The following AP1S3 variants were observed in gnomAD, a reference collection of about 807,000 sequenced individuals.
AP1S3 encodes the protein adaptor related protein complex 1 subunit sigma 3.
In AP1S3, 10 loss-of-function variants were observed where a neutral mutation model predicts 20.9. That is an observed-to-expected ratio of 0.48 (90% CI 0.29 to 0.81). AP1S3 has a LOEUF of 0.81. AP1S3 is among the 30% of genes least tolerant of loss of function. The pLI is 0.08. For missense variants in AP1S3, 154 were observed against 183.8 expected, an observed-to-expected ratio of 0.84 and a Z score of 0.94; for synonymous variants, 41 against 61.5, an observed-to-expected ratio of 0.67 and a Z score of 1.56.
intron 3 of AP1S3, among the ~76,000 whole-genome samples, chr2:223,772,079 C>G (rs1266836316): frequency 1.3e-5 from 2 of 152,170 alleles, no homozygotes; most frequent in East Asian, 3.9e-4. Flanking sequence ...TGCATTCCAG[C>G]CTGGGCAACA....
chr2:223,800,047 T>C (rs1408207225), intron 1 of AP1S3, among the ~76,000 whole-genome samples: 1 of 150,552 alleles, frequency 6.6e-6, no homozygotes, highest in Non-Finnish European at 1.5e-5. Flanking sequence ...AAACCCCATC[T>C]CTACTATAAA....
intron 1 of AP1S3, among the ~76,000 whole-genome samples, chr2:223,780,347 A>AGG: frequency 1.1e-5 from 1 of 89,354 alleles, no homozygotes. Flanking sequence ...AGAGAGAGAG[A>AGG]GAGAGAGAGA....
chr2:223,820,909 C>A (rs1271935789), intron 1 of AP1S3, among the ~76,000 whole-genome samples: 2 of 152,130 alleles, frequency 1.3e-5, no homozygotes, highest in Non-Finnish European at 2.9e-5. Flanking sequence ...ACTGCCCCAG[C>A]TCCTCCTTCC....
intron 1 of AP1S3, among the ~76,000 whole-genome samples, chr2:223,836,906 C>T (rs4674826): frequency 0.15 from 22,356 of 152,068 alleles, 2,172 homozygotes; most frequent in East Asian, 0.41. Context: ...CCGCTTTGCT[C>T]TCTCTAATCC....
At chr2:223,779,977 C>CA (rs1334268249) in intron 1 of AP1S3, among the ~76,000 whole-genome samples, 2 of 151,568 alleles carry the variant, frequency 1.3e-5, no homozygotes, top group Non-Finnish European at 2.9e-5. Flanking sequence ...CAAAAAAAAA[C>CA]AAAAAGATTC....
At chr2:223,785,632 G>A (rs939721374) in intron 1 of AP1S3, among the ~76,000 whole-genome samples, 1 of 152,150 alleles carries the variant, frequency 6.6e-6, no homozygotes, top group Non-Finnish European at 1.5e-5. Context: ...CTAAGTAAAT[G>A]CCAAAGTTCT....
chr2:223,831,303 T>C (rs1276660523), intron 1 of AP1S3, among the ~76,000 whole-genome samples: 2 of 152,132 alleles, frequency 1.3e-5, no homozygotes, highest in African/African-American at 4.8e-5. Flanking sequence ...GCTAATACTT[T>C]CTGTATTTTT....
chr2:223,828,654 G>A (rs953824738), intron 1 of AP1S3, among the ~76,000 whole-genome samples: 7 of 152,188 alleles, frequency 4.6e-5, no homozygotes, highest in Middle Eastern at 3.4e-3. Context: ...TGTGAGCTCC[G>A]TGCAAGCAGG....
At chr2:223,776,093 C>A in intron 2 of AP1S3, 84 bp from the exon 3 acceptor site, 1 of 948,094 alleles carries the variant, frequency 1.1e-6, no homozygotes, top group Non-Finnish European at 1.7e-6. Flanking sequence ...ATGCAGTCAC[C>A]TCCTCCCCCG....
chr2:223,770,532 C>CACACACACACA (rs60585278), intron 3 of AP1S3, among the ~76,000 whole-genome samples: 3,594 of 89,738 alleles, frequency 0.04, 63 homozygotes, highest in Admixed American at 0.06. Context: ...ACACACACAC[C>CACACACACACA]CCTTGATATA....
At chr2:223,818,123 T>A (rs1212771801) in intron 1 of AP1S3, among the ~76,000 whole-genome samples, 6 of 150,462 alleles carry the variant, frequency 4.0e-5, no homozygotes, top group Admixed American at 6.6e-5. Flanking sequence ...TATACTTCTA[T>A]AAAAAATGTC....
At chr2:223,817,111 C>T (rs369044148) in intron 1 of AP1S3, among the ~76,000 whole-genome samples, 15 of 151,322 alleles carry the variant, frequency 9.9e-5, no homozygotes, top group East Asian at 4.0e-4. Flanking sequence ...GACAACAAAG[C>T]GAGACAACTC....
intron 1 of AP1S3, among the ~76,000 whole-genome samples, chr2:223,813,128 G>A (rs540307718): frequency 4.7e-4 from 72 of 152,074 alleles, no homozygotes; most frequent in African/African-American, 1.6e-3. Context: ...TGTATTTTCA[G>A]TAGAGAAAAG....
At chr2:223,784,058 C>T (rs1258274314) in intron 1 of AP1S3, among the ~76,000 whole-genome samples, 3 of 38,234 alleles carry the variant, frequency 7.8e-5, no homozygotes, top group Non-Finnish European at 1.6e-4. Context: ...TTCCCAAACC[C>T]GATCAGCACC....
At chr2:223,813,623 CT>C in intron 1 of AP1S3, among the ~76,000 whole-genome samples, 1 of 152,320 alleles carries the variant, frequency 6.6e-6, no homozygotes, top group East Asian at 1.9e-4. Context: ...AACTATAGCC[CT>C]GTTTGGAGAA....
chr2:223,777,915 T>A (rs1366443275), intron 1 of AP1S3, 46 bp from the exon 2 acceptor site: 1 of 1,521,836 alleles, frequency 6.6e-7, no homozygotes, highest in East Asian at 2.3e-5. Context: ...ACCAAGTCAC[T>A]CTGCCGTTCT....
intron 1 of AP1S3, among the ~76,000 whole-genome samples, chr2:223,836,610 C>T (rs183360302): frequency 6.6e-6 from 1 of 152,280 alleles, no homozygotes; most frequent in African/African-American, 2.4e-5. Flanking sequence ...TGTGGTGGCA[C>T]ACGCCTGTAA....
chr2:223,804,717 CA>C lies in AP1S3; in HGVS notation c.4-26849del, dbSNP rs746509169. On this transcript the variant is annotated intron_variant, in intron 1 of 4. Coordinates refer to ENST00000396654, the MANE Select transcript of AP1S3 (RefSeq NM_001039569.2). ...CCAGCCTGAGTGACAGAGACTGTTTCAAAAAAAAAAAAAAGAGGTTTCTAGA... is the reference window on the plus strand; with the variant it reads ...CCAGCCTGAGTGACAGAGACTGTTTCAAAAAAAAAAAAAGAGGTTTCTAGA... Among the ~76,000 whole-genome samples, 854 of 117,816 alleles carry C rather than the reference CA, an allele frequency of 7.2e-3. 3 individuals are homozygous for C. Among genetic ancestry groups the C allele is most frequent in the Admixed American group, 0.01 (115 of 11,322 alleles). The allele number at this position is 117,816 out of a possible 152,430, so 77.3% of individuals were successfully genotyped here.
Position 223,756,942 on chromosome 2 carries a change from T to C in AP1S3, c.*1773A>G, listed in dbSNP as rs900819519. On this transcript the variant is annotated 3_prime_UTR_variant, in exon 5 of 5. Coordinates refer to ENST00000396654, the MANE Select transcript of AP1S3 (RefSeq NM_001039569.2). ...ACATTGAAAATGCACAGGTAAAACA[T>C]CAAATAGCAGGCAGCAAGACAGAAT... The C allele has an allele frequency of 1.0e-6, 1 of 984,888 alleles. No individual in the cohort carries two copies. The highest frequency in any genetic ancestry group is 1.2e-6 in the Non-Finnish European group (1 of 829,842). 61.0% of individuals were successfully genotyped at this position (984,888 alleles called of 1,614,324 possible).
Sources: allele counts gnomAD v4.1 joint callset (sites outside exome capture counted in the v4.1 genomes callset), GRCh38; gene constraint gnomAD v4.1.1; transcripts MANE v1.5; gene names NCBI Gene and HGNC (gene_info 2026-07-23, HGNC 2026-07-21).